Variants in KIF26B observed in about 807,000 individuals in gnomAD.
KIF26B encodes the protein kinesin family member 26B, also known as kinesin-like protein KIF26B.
A neutral mutation model predicts 151.2 loss-of-function variants in KIF26B; 63 were observed. The observed-to-expected ratio is 0.42, with a 90% confidence interval of 0.34 to 0.51. The LOEUF (loss-of-function observed/expected upper bound fraction) is 0.51, where lower values mean the gene tolerates loss of function less well. Among genes scored for constraint, KIF26B ranks in the 20% least tolerant of loss-of-function variants. KIF26B has a pLI of 0.07. For synonymous variants in KIF26B, 1,357 were observed against 1,262.1 expected (o/e 1.08, Z -1.59); for missense variants, 2,813 against 2,913.6 (o/e 0.97, Z 0.79).
chr1:245,571,924 C>T (rs1480065546), intron 5 of KIF26B, among the ~76,000 whole-genome samples: 6 of 152,154 alleles, frequency 3.9e-5, no homozygotes, highest in Non-Finnish European at 5.9e-5. Context: ...GCTAATCGTC[C>T]GAGTGACAGA....
intron 2 of KIF26B, among the ~76,000 whole-genome samples, chr1:245,235,930 A>ATT (rs35318362): frequency 8.5e-6 from 1 of 118,316 alleles, no homozygotes; most frequent in African/African-American, 3.2e-5. Flanking sequence ...TGCATCACTT[A>ATT]TTTTTTTTTT....
At chr1:245,380,691 C>T (rs1368688617) in intron 3 of KIF26B, among the ~76,000 whole-genome samples, 1 of 152,086 alleles carries the variant, frequency 6.6e-6, no homozygotes, top group Non-Finnish European at 1.5e-5. Context: ...CTGCCCCTGC[C>T]CCAGCCCCTC....
chr1:245,616,277 T>C (rs1038866848), intron 9 of KIF26B, among the ~76,000 whole-genome samples: 1 of 152,216 alleles, frequency 6.6e-6, no homozygotes, highest in South Asian at 2.1e-4. Flanking sequence ...TTGGAATTAG[T>C]GGGACTGATC....
intron 2 of KIF26B, among the ~76,000 whole-genome samples, chr1:245,196,985 A>G (rs1327666525): frequency 6.6e-6 from 1 of 152,106 alleles, no homozygotes; most frequent in Non-Finnish European, 1.5e-5. Context: ...CAATTTTGAG[A>G]TAAGAAATCC....
chr1:245,556,165 G>C (rs992357721), intron 5 of KIF26B, among the ~76,000 whole-genome samples: 1 of 152,124 alleles, frequency 6.6e-6, no homozygotes, highest in African/African-American at 2.4e-5. Flanking sequence ...CTGTGAAACA[G>C]CTGCTGAACA....
chr1:245,534,319 T>A (rs1347656251), intron 4 of KIF26B, among the ~76,000 whole-genome samples: 1 of 152,056 alleles, frequency 6.6e-6, no homozygotes, highest in Admixed American at 6.5e-5. Context: ...TGCGCCACCA[T>A]GCCCAGCTAA....
At chr1:245,173,242 G>C (rs1668743674) in intron 2 of KIF26B, among the ~76,000 whole-genome samples, 1 of 152,194 alleles carries the variant, frequency 6.6e-6, no homozygotes. Flanking sequence ...CCAAGAATTG[G>C]GGAAGATGAA....
At chr1:245,626,338 A>G (rs2043724183) in intron 9 of KIF26B, among the ~76,000 whole-genome samples, 1 of 150,996 alleles carries the variant, frequency 6.6e-6, no homozygotes, top group African/African-American at 2.4e-5. Context: ...GTACTAATTT[A>G]CATTCCCACC....
intron 2 of KIF26B, among the ~76,000 whole-genome samples, chr1:245,164,705 A>G (rs1558330345): frequency 6.6e-6 from 1 of 152,234 alleles, no homozygotes; most frequent in Non-Finnish European, 1.5e-5. Flanking sequence ...TATAGGCTGG[A>G]CTTTATCCTG....
chr1:245,679,457 G>GTTTTTTTTTTTTTTTTTTTTTTTTTT (rs35663208), intron 10 of KIF26B, among the ~76,000 whole-genome samples: 3 of 59,178 alleles, frequency 5.1e-5, no homozygotes, highest in Non-Finnish European at 6.4e-5. Flanking sequence ...TTTTGTGTGT[G>GTTTTTTTTTTTTTTTTTTTTTTTTTT]TTTTTTTTTT....
intron 2 of KIF26B, among the ~76,000 whole-genome samples, chr1:245,173,291 T>C (rs1573687369): frequency 6.6e-6 from 1 of 152,216 alleles, no homozygotes; most frequent in Middle Eastern, 3.4e-3. Context: ...GGTTGCACAA[T>C]GGTGGGGGCG....
chr1:245,702,638 G>A lies in KIF26B; in HGVS notation c.*32G>A, dbSNP rs140626338. On this transcript the variant is annotated 3_prime_UTR_variant, in exon 15 of 15. Coordinates refer to ENST00000407071, the MANE Select transcript of KIF26B (RefSeq NM_018012.4). This position sits in a 1 kb window ranked among gnomAD's most constrained non-coding sequence, Gnocchi z 4.1. ...CAGACCCTTGTCCTAGTGGTCCCCC[G>A]CTCCCCAGGACTTCAGAGATGTTGC... is the stretch of plus-strand genomic sequence containing the variant. 1,081 of 1,603,178 alleles carry A rather than the reference G, an allele frequency of 6.7e-4. 6 individuals carry two copies. The African/African-American group carries it at 0.011, about 17-fold the overall frequency.
Position 245,702,048 on chromosome 1 carries a change from G to C in KIF26B, c.6179-410G>C, listed in dbSNP as rs1033066203. 1.3e-5 allele frequency among the ~76,000 whole-genome samples: 2 copies of C among 152,202 alleles called. No homozygotes were observed. Among genetic ancestry groups the C allele is most frequent in the African/African-American group, 4.8e-5 (2 of 41,444 alleles). ...CGTCCTTTCATATAAGGAAGCAGAG[G>C]TATAAATGTCACTCAACTGAGACCC... On this transcript the variant is annotated intron_variant, in intron 14 of 14. Transcript: ENST00000407071. The surrounding 1 kb of genome is among the most constrained non-coding windows in gnomAD (Gnocchi z 4.1).
chr1:245,620,949 CG>C (rs1164488356), intron 9 of KIF26B, among the ~76,000 whole-genome samples: 3 of 152,158 alleles, frequency 2.0e-5, no homozygotes, highest in Non-Finnish European at 2.9e-5. Flanking sequence ...GAGCCCTCAG[CG>C]TGCTGTGGGC....
intron 2 of KIF26B, among the ~76,000 whole-genome samples, chr1:245,168,109 GCTT>G (rs1248015546): frequency 6.6e-6 from 1 of 152,160 alleles, no homozygotes; most frequent in Non-Finnish European, 1.5e-5. Flanking sequence ...TGGGCTCTAA[GCTT>G]CTCCCAAGCC....
chr1:245,465,027 G>A (rs1241687039), intron 4 of KIF26B, among the ~76,000 whole-genome samples: 7 of 142,708 alleles, frequency 4.9e-5, no homozygotes, highest in African/African-American at 1.6e-4. Flanking sequence ...CGCCCAGGCT[G>A]GAGTGCAGGG....
At chr1:245,509,691 G>T (rs1278351329) in intron 4 of KIF26B, among the ~76,000 whole-genome samples, 1 of 152,158 alleles carries the variant, frequency 6.6e-6, no homozygotes, top group African/African-American at 2.4e-5. Context: ...TTGGGGTAGG[G>T]TCCAGGTATC....
chr1:245,284,865 C>T (rs987185509), intron 2 of KIF26B, among the ~76,000 whole-genome samples: 8 of 151,982 alleles, frequency 5.3e-5, no homozygotes, highest in Admixed American at 2.0e-4. Flanking sequence ...ATGGAGAAAA[C>T]CCCGTCTCTA....
chr1:245,302,605 G>GT (rs1249278612), intron 2 of KIF26B, among the ~76,000 whole-genome samples: 2 of 152,162 alleles, frequency 1.3e-5, no homozygotes, highest in Non-Finnish European at 2.9e-5. Context: ...CTTTTTCTGT[G>GT]TCACAGAAGC....
Sources: gnomAD v4.1 joint callset for allele counts (sites outside exome capture counted in the v4.1 genomes callset) on GRCh38, gnomAD v4.1.1 for gene constraint, Gnocchi (gnomAD v3.1) non-coding constraint, MANE v1.5 for transcripts, NCBI Gene and HGNC (gene_info 2026-07-23, HGNC 2026-07-21) for gene names.